The following SDK1 variants were observed in gnomAD, a reference collection of about 807,000 sequenced individuals.
The protein encoded by SDK1 is sidekick cell adhesion molecule 1, also known as protein sidekick-1.
Under a neutral mutation model 245.5 loss-of-function variants are expected in SDK1, and 157 were observed. The observed-to-expected ratio is 0.64, with a 90% CI of 0.56 to 0.73. SDK1 has a LOEUF of 0.73. Among genes scored for constraint, SDK1 ranks in the 30% least tolerant of loss-of-function variants. The pLI is 0.00. For missense variants in SDK1, 3,583 were observed against 3,002.3 expected, an observed-to-expected ratio of 1.19 and a Z score of -4.52; for synonymous variants, 1,647 against 1,278.5, an observed-to-expected ratio of 1.29 and a Z score of -6.15.
intron 4 of SDK1, among the ~76,000 whole-genome samples, chr7:3,683,126 G>C (rs1784161670): frequency 6.6e-6 from 1 of 152,190 alleles, no homozygotes; most frequent in African/African-American, 2.4e-5. Context: ...GATTGATTGG[G>C]AGTGAATGTA....
intron 4 of SDK1, among the ~76,000 whole-genome samples, chr7:3,655,551 G>A (rs1185024109): frequency 8.4e-6 from 1 of 119,350 alleles, no homozygotes; most frequent in African/African-American, 3.2e-5. Flanking sequence ...CTTTCCTATG[G>A]CTGTCTTATA....
intron 2 of SDK1, among the ~76,000 whole-genome samples, chr7:3,636,269 A>G (rs1205185904): frequency 6.6e-6 from 1 of 152,184 alleles, no homozygotes; most frequent in Non-Finnish European, 1.5e-5. Context: ...AATATGTGAT[A>G]CAGTATGATT....
intron 5 of SDK1, among the ~76,000 whole-genome samples, chr7:3,905,693 A>G (rs1778882646): frequency 1.3e-5 from 2 of 151,294 alleles, no homozygotes; most frequent in Admixed American, 1.3e-4. Flanking sequence ...TGGCACAATC[A>G]CTCACTGTAA....
intron 4 of SDK1, among the ~76,000 whole-genome samples, chr7:3,696,907 C>A (rs1274686788): frequency 6.6e-6 from 1 of 150,866 alleles, no homozygotes; most frequent in African/African-American, 2.4e-5. Context: ...ATAGAAGTTC[C>A]TTTAAAAAAA....
At chr7:4,022,913 A>C (rs1429675107) in intron 17 of SDK1, among the ~76,000 whole-genome samples, 3 of 151,452 alleles carry the variant, frequency 2.0e-5, no homozygotes, top group African/African-American at 7.3e-5. Context: ...AGCTGGGACC[A>C]CAGGCGCCCG....
rs369430045 is a variant in SDK1, at chr7:3,348,499, G to A, written c.298+46615G>A. Among the ~76,000 whole-genome samples, 138 of 152,130 alleles carry A rather than the reference G, an allele frequency of 9.1e-4. 1 individual carries two copies. The highest frequency in any genetic ancestry group is 3.2e-3 in the African/African-American group (132 of 41,512). On this transcript the variant is annotated intron_variant, in intron 1 of 44. Transcript: ENST00000404826. ...TTCTCGTAAGGGAGAACTAAACATC[G>A]AGTGCATATGGACATAAAGATGGGA...
At chr7:3,532,074 T>A (rs1272152172) in intron 1 of SDK1, among the ~76,000 whole-genome samples, 1 of 152,188 alleles carries the variant, frequency 6.6e-6, no homozygotes, top group African/African-American at 2.4e-5. Flanking sequence ...TTGATGGAAA[T>A]TTTTGTAGAA....
chr7:3,843,742 CT>C (rs1026707315), intron 5 of SDK1, among the ~76,000 whole-genome samples: 5 of 152,146 alleles, frequency 3.3e-5, no homozygotes, highest in Non-Finnish European at 7.3e-5. Flanking sequence ...GACGCTGAGG[CT>C]TTTTGGCTGC....
At chr7:3,306,186 C>A (rs1221233627) in intron 1 of SDK1, among the ~76,000 whole-genome samples, 1 of 152,090 alleles carries the variant, frequency 6.6e-6, no homozygotes, top group Non-Finnish European at 1.5e-5. Context: ...TTAGATAAAC[C>A]TTATTTACGA....
chr7:4,148,517 T>A (rs976183276), intron 29 of SDK1, among the ~76,000 whole-genome samples: 1 of 152,182 alleles, frequency 6.6e-6, no homozygotes, highest in African/African-American at 2.4e-5. Context: ...ACTGAGTAGA[T>A]GCCGTAGATG....
At chr7:3,414,958 T>A (rs1339829472) in intron 1 of SDK1, among the ~76,000 whole-genome samples, 1 of 152,210 alleles carries the variant, frequency 6.6e-6, no homozygotes, top group African/African-American at 2.4e-5. Context: ...ATACCACATT[T>A]TATTAATTTA....
intron 17 of SDK1, among the ~76,000 whole-genome samples, chr7:4,038,351 A>G (rs34368427): frequency 0.058 from 8,775 of 151,930 alleles, 324 homozygotes; most frequent in Non-Finnish European, 0.074. Context: ...CCCAGAGTCT[A>G]TGACCGGGGC....
intron 4 of SDK1, among the ~76,000 whole-genome samples, chr7:3,810,111 T>G (rs1269756564): frequency 6.6e-6 from 1 of 152,234 alleles, no homozygotes; most frequent in Non-Finnish European, 1.5e-5. Context: ...ATTTCAGAAT[T>G]GACTGCTGTT....
chr7:3,653,298 A>C (rs1295433161), intron 4 of SDK1, among the ~76,000 whole-genome samples: 1 of 152,088 alleles, frequency 6.6e-6, no homozygotes, highest in Non-Finnish European at 1.5e-5. Context: ...TCCAGGGTCC[A>C]CGTGTAAGCT....
chr7:3,361,532 C>T lies in SDK1; in HGVS notation c.298+59648C>T, dbSNP rs117194993. ...TCCCACATCTTCTCTATTTGTTCTC[C>T]GCCCTGTGATTCACTCTATATTTAA... On this transcript the variant is annotated intron_variant, in intron 1 of 44. Transcript: ENST00000404826. Among the ~76,000 whole-genome samples, 290 of 152,262 alleles carry T rather than the reference C, an allele frequency of 1.9e-3. 8 individuals carry two copies. The East Asian group carries it at 0.046, about 24-fold the overall frequency.
At chr7:3,735,163 T>A (rs1779284531) in intron 4 of SDK1, among the ~76,000 whole-genome samples, 1 of 152,114 alleles carries the variant, frequency 6.6e-6, no homozygotes, top group African/African-American at 2.4e-5. Context: ...AAAAAAAAAT[T>A]AATTGTGGTA....
intron 1 of SDK1, among the ~76,000 whole-genome samples, chr7:3,389,776 G>A (rs571081534): frequency 1.3e-5 from 2 of 151,986 alleles, no homozygotes; most frequent in East Asian, 3.9e-4. Context: ...AAAAACTAAC[G>A]TGGAAGTTGG....
At position 4,225,429 on chromosome 7, in the gene SDK1, C is replaced by T. The variant is rs1024657989; in HGVS notation, c.5827+4065C>T. Among the ~76,000 whole-genome samples the T allele has an allele frequency of 2.6e-5, 4 of 152,138 alleles. No individual in the cohort carries two copies. The South Asian group carries it at 6.2e-4, about 24-fold the overall frequency. On this transcript the variant is annotated intron_variant, in intron 40 of 44. Coordinates refer to ENST00000404826, the MANE Select transcript of SDK1 (RefSeq NM_152744.4). Reference sequence around the variant, plus strand: ...TGGGAGAGCGGCCTGTGGGATGGGGCGGTACCAGCCAGACACGGGTGCCTG... The same window carrying T: ...TGGGAGAGCGGCCTGTGGGATGGGGTGGTACCAGCCAGACACGGGTGCCTG...
chr7:4,144,301 T>G (rs960089676), intron 28 of SDK1, among the ~76,000 whole-genome samples: 1 of 151,814 alleles, frequency 6.6e-6, no homozygotes, highest in African/African-American at 2.4e-5. Context: ...CGGTCCCCAT[T>G]GTGGGGAAGA....
Sources: allele counts gnomAD v4.1 joint callset (sites outside exome capture counted in the v4.1 genomes callset), GRCh38; gene constraint gnomAD v4.1.1; transcripts MANE v1.5; gene names NCBI Gene and HGNC (gene_info 2026-07-23, HGNC 2026-07-21).